Variants in GSE1 observed in about 807,000 individuals in gnomAD.
GSE1 encodes genetic suppressor element 1.
In GSE1, 32 loss-of-function variants were observed where a neutral mutation model predicts 112.6. The ratio of observed to expected loss-of-function variants is 0.28; its 90% CI spans 0.21 to 0.38. GSE1 has a LOEUF of 0.38. Among genes scored for constraint, GSE1 ranks in the 10% least tolerant of loss-of-function variants. The pLI is 1.00. For missense variants in GSE1, 2,348 were observed against 1,699.2 expected (o/e 1.38, Z -6.71); for synonymous variants, 1,115 against 735.6 (o/e 1.52, Z -8.35).
intron 1 of GSE1, among the ~76,000 whole-genome samples, chr16:85,192,136 A>G (rs1337686619): frequency 6.6e-6 from 1 of 152,254 alleles, no homozygotes; most frequent in East Asian, 1.9e-4. Context: ...TGCAGGGTGC[A>G]CACATAGGCA....
chr16:85,278,078 G>A (rs79854986), intron 1 of GSE1, among the ~76,000 whole-genome samples: 5,442 of 152,376 alleles, frequency 0.036, 349 homozygotes, highest in African/African-American at 0.12. Context: ...TGTCCCGCGA[G>A]GAAGGTCACG....
At chr16:85,509,320 C>T (rs1462423548) in intron 2 of GSE1, among the ~76,000 whole-genome samples, 1 of 152,210 alleles carries the variant, frequency 6.6e-6, no homozygotes, top group African/African-American at 2.4e-5. Context: ...ACCGGGGCTG[C>T]GGTCTTCAGA....
At chr16:85,643,498 G>T (rs902346676) in intron 2 of GSE1, among the ~76,000 whole-genome samples, 2 of 145,906 alleles carry the variant, frequency 1.4e-5, no homozygotes, top group Non-Finnish European at 3.0e-5. Context: ...CCTCACCCGC[G>T]CCTCTTTCTT....
chr16:85,486,921 A>G (rs758685324), intron 2 of GSE1, among the ~76,000 whole-genome samples: 5 of 152,076 alleles, frequency 3.3e-5, no homozygotes, highest in Non-Finnish European at 5.9e-5. Flanking sequence ...AGGCGAAAGT[A>G]TAGTTTTTTA....
rs948656948 is a variant in GSE1, at chr16:85,311,030, G to T, written c.2284-46433G>T. On this transcript the variant is annotated intron_variant, in intron 1 of 2. Transcript: ENST00000637419. This position sits in a 1 kb window ranked among gnomAD's most constrained non-coding sequence, Gnocchi z 4.2. ...TAAATATAAACCCAGCCGCCTTTCC[G>T]CGGCCGTCAGCAATGGCCATGGCTC... Among the ~76,000 whole-genome samples the T allele has an allele frequency of 6.6e-6, 1 of 152,218 alleles. No individual in the cohort carries two copies. The highest frequency in any genetic ancestry group is 1.5e-5 in the Non-Finnish European group (1 of 68,026).
intron 1 of GSE1, among the ~76,000 whole-genome samples, chr16:85,275,364 A>T (rs1909253449): frequency 6.6e-6 from 1 of 152,164 alleles, no homozygotes; most frequent in Non-Finnish European, 1.5e-5. Context: ...GAGGGCACCG[A>T]GGGGCGAAGG....
At chr16:85,295,797 G>C (rs1379631440) in intron 1 of GSE1, among the ~76,000 whole-genome samples, 1 of 148,666 alleles carries the variant, frequency 6.7e-6, no homozygotes, top group Admixed American at 6.7e-5. Flanking sequence ...TAGAGATGGG[G>C]TCTCTCTGTG....
intron 1 of GSE1, among the ~76,000 whole-genome samples, chr16:85,176,758 A>G (rs2074475096): frequency 6.6e-6 from 1 of 152,226 alleles, no homozygotes; most frequent in African/African-American, 2.4e-5. Context: ...TGCTGCCGCA[A>G]CCACCTTTCT....
At chr16:85,668,922 C>A (rs918154723) in intron 14 of GSE1, among the ~76,000 whole-genome samples, 1 of 152,256 alleles carries the variant, frequency 6.6e-6, no homozygotes, top group Non-Finnish European at 1.5e-5. Context: ...AAAAGACAGG[C>A]TCCTGGTAAA....
chr16:85,485,296 G>C (rs142847536), intron 2 of GSE1, among the ~76,000 whole-genome samples: 2 of 152,222 alleles, frequency 1.3e-5, no homozygotes, highest in African/African-American at 4.8e-5. Context: ...GCGTTGGTCC[G>C]GAGAGGGAGA....
At chr16:85,599,525 C>T (rs535784487) in intron 1 of GSE1, among the ~76,000 whole-genome samples, 11 of 152,292 alleles carry the variant, frequency 7.2e-5, no homozygotes, top group Admixed American at 1.3e-4. Flanking sequence ...CGTGAGTCAA[C>T]GGAAGTGGCA....
chr16:85,248,993 G>C (rs1363614239), intron 1 of GSE1, among the ~76,000 whole-genome samples: 3 of 152,192 alleles, frequency 2.0e-5, no homozygotes, highest in Admixed American at 6.5e-5. Flanking sequence ...CTTGGGGCGG[G>C]GGAGACACAG....
At chr16:85,638,192 G>GGGTGTA (rs2050159861) in intron 2 of GSE1, among the ~76,000 whole-genome samples, 1 of 152,266 alleles carries the variant, frequency 6.6e-6, no homozygotes, top group African/African-American at 2.4e-5. Context: ...TGTGTCTCAA[G>GGGTGTA]GGTGTAGTTT....
chr16:85,404,080 G>C lies in GSE1; in HGVS notation c.2464+46437G>C, dbSNP rs147124083. On this transcript the variant is annotated intron_variant, in intron 2 of 2. Transcript: ENST00000637419. ...CTGCCCACCTCTCAGAAACCAGCTT[G>C]TGATTGGACACAGGGCCCCCCCGGA... is the stretch of plus-strand genomic sequence containing the variant. 6.5e-4 allele frequency among the ~76,000 whole-genome samples: 98 copies of C among 151,332 alleles called. 1 individual carries two copies. Among genetic ancestry groups the C allele is most frequent in the Non-Finnish European group, 2.4e-4 (16 of 67,954 alleles).
intron 10 of GSE1, 111 bp from the exon 11 acceptor site, chr16:85,663,233 G>C (rs1215595512): frequency 2.3e-5 from 32 of 1,362,608 alleles, no homozygotes; most frequent in Non-Finnish European, 3.3e-5. Context: ...CTCCCACCAG[G>C]CGCAGCCAGC....
At chr16:85,534,912 T>C (rs1194124474) in intron 2 of GSE1, among the ~76,000 whole-genome samples, 1 of 152,194 alleles carries the variant, frequency 6.6e-6, no homozygotes, top group African/African-American at 2.4e-5. Context: ...GGACAGATGC[T>C]TGGGTTGCTT....
At position 85,429,614 on chromosome 16, in the gene GSE1, C is replaced by T. The variant is rs552512594; in HGVS notation, c.2464+71971C>T. ...ATCTGTTCCATGGCCCCCAGCATCTCCTGTCCTCACCTCCTCCCAAGATCT... is the reference window on the plus strand; with the variant it reads ...ATCTGTTCCATGGCCCCCAGCATCTTCTGTCCTCACCTCCTCCCAAGATCT... On this transcript the variant is annotated intron_variant, in intron 2 of 2. Transcript: ENST00000637419. Among the ~76,000 whole-genome samples, 3 of 152,350 alleles carry T rather than the reference C, an allele frequency of 2.0e-5. No homozygotes were observed. The South Asian group carries it at 6.2e-4, about 32-fold the overall frequency.
intron 2 of GSE1, among the ~76,000 whole-genome samples, chr16:85,379,949 C>G (rs573203655): frequency 1.3e-5 from 2 of 152,370 alleles, no homozygotes; most frequent in South Asian, 2.1e-4. Flanking sequence ...CAACATCTAC[C>G]AAGACCCTAC....
intron 2 of GSE1, among the ~76,000 whole-genome samples, chr16:85,475,878 C>T (rs564553144): frequency 1.3e-5 from 2 of 151,910 alleles, no homozygotes; most frequent in East Asian, 3.9e-4. Flanking sequence ...TCCACCTCAG[C>T]CTCCCTAAGC....
Sources: allele counts gnomAD v4.1 joint callset (sites outside exome capture counted in the v4.1 genomes callset), GRCh38; gene constraint gnomAD v4.1.1; non-coding constraint Gnocchi (gnomAD v3.1); transcripts MANE v1.5; gene names NCBI Gene and HGNC (gene_info 2026-07-23, HGNC 2026-07-21).